WIPF2: variants seen among roughly 807,000 people sequenced by gnomAD.
WIPF2 encodes the protein WAS/WASL interacting protein family member 2.
In WIPF2, 23 loss-of-function variants were observed where a neutral mutation model predicts 38.8. That is an observed-to-expected ratio of 0.59 (90% CI 0.43 to 0.84). WIPF2 has a LOEUF of 0.84. Ranked by LOEUF, WIPF2 falls within the 40% of genes least tolerant of loss-of-function variation. The pLI is 0.00. For missense variants in WIPF2, 574 were observed against 580.5 expected (o/e 0.99, Z 0.11); for synonymous variants, 210 against 223.2 (o/e 0.94, Z 0.53).
intron 1 of WIPF2, among the ~76,000 whole-genome samples, chr17:40,250,219 GTTTTTT>G (rs1170849046): frequency 4.2e-4 from 26 of 62,538 alleles, no homozygotes; most frequent in Non-Finnish European, 5.5e-4. Context: ...ATTTTATCAT[GTTTTTT>G]TTTTTTTTTT....
chr17:40,272,504 G>A (rs1598500081), intron 5 of WIPF2, among the ~76,000 whole-genome samples: 1 of 152,178 alleles, frequency 6.6e-6, no homozygotes, highest in Non-Finnish European at 1.5e-5. Context: ...CAATGAATCT[G>A]CTGTATATAT....
chr17:40,238,328 G>A (rs1370887584), intron 1 of WIPF2, among the ~76,000 whole-genome samples: 4 of 152,032 alleles, frequency 2.6e-5, no homozygotes, highest in Non-Finnish European at 5.9e-5. Context: ...ATTTGAGATG[G>A]AGTCTGGCTC....
At chr17:40,261,917 G>A (rs1458401647) in intron 3 of WIPF2, among the ~76,000 whole-genome samples, 1 of 144,658 alleles carries the variant, frequency 6.9e-6, no homozygotes, top group Non-Finnish European at 1.5e-5. Flanking sequence ...CTCATGATCC[G>A]CCCGCCTCCG....
rs71152662 is a variant in WIPF2 at position 40,283,153 on chromosome 17, TAAAAAAAAAAAAAAAAAAAAAA to T, written c.*4946_*4967del. ...CTGAGCTGAGATCATGCCACTGCACTAAAAAAAAAAAAAAAAAAAAAAAAAAAAAAAAAAAAAAATTCTAGAG... is the reference window on the plus strand; with the variant it reads ...CTGAGCTGAGATCATGCCACTGCACTAAAAAAAAAAAAAAAAATTCTAGAG... On this transcript the variant is annotated 3_prime_UTR_variant, in exon 8 of 8. Transcript: ENST00000323571. 14 of 17,360 alleles carry T rather than the reference TAAAAAAAAAAAAAAAAAAAAAA, an allele frequency of 8.1e-4. No individual in the cohort carries two copies. Among genetic ancestry groups the T allele is most frequent in the Non-Finnish European group, 1.1e-3 (11 of 9,580 alleles). The allele number at this position is 17,360 out of a possible 1,614,324, so 1.1% of individuals were successfully genotyped here.
chr17:40,273,865 A>T lies in WIPF2; in HGVS notation c.1046A>T (p.His349Leu), dbSNP rs758081975. The T allele has an allele frequency of 1.4e-6, 2 of 1,444,368 alleles. No homozygotes were observed. The highest frequency in any genetic ancestry group is 1.9e-6 in the Non-Finnish European group (2 of 1,079,210). The allele number at this position is 1,444,368 out of a possible 1,614,324, so 89.5% of individuals were successfully genotyped here. ...CCTCCCCCACCACCATACCGAATGCATGGGTCAGAACCCCCGAGCCGAGGA... is the reference window on the plus strand; with the variant it reads ...CCTCCCCCACCACCATACCGAATGCTTGGGTCAGAACCCCCGAGCCGAGGA... ...APPPPPPYRM[H>L]GSEPPSRGKP... The change falls in exon 6 of 8, where the codon CAT (histidine) becomes CTT (leucine). Residue 349 changes from histidine to leucine, a missense_variant. Coordinates refer to ENST00000323571, the MANE Select transcript of WIPF2 (RefSeq NM_133264.5).
intron 1 of WIPF2, among the ~76,000 whole-genome samples, chr17:40,243,530 T>G (rs1351723296): frequency 2.0e-5 from 3 of 152,118 alleles, no homozygotes; most frequent in Non-Finnish European, 4.4e-5. Context: ...GTTTTTTTTT[T>G]TAAGACAGAG....
intron 2 of WIPF2, 142 bp from the exon 3 acceptor site, chr17:40,260,393 G>A (rs1490469644): frequency 4.4e-6 from 4 of 911,518 alleles, no homozygotes; most frequent in Non-Finnish European, 6.5e-6. Flanking sequence ...CACCATGTTG[G>A]CCAGGATGGT....
intron 1 of WIPF2, among the ~76,000 whole-genome samples, chr17:40,248,174 T>C (rs1215198810): frequency 4.4e-5 from 6 of 137,692 alleles, no homozygotes; most frequent in East Asian, 4.1e-4. Context: ...TTTTTTTTTT[T>C]TTTTTTTTTT....
At chr17:40,254,126 G>T (rs972988074) in intron 1 of WIPF2, among the ~76,000 whole-genome samples, 1 of 151,672 alleles carries the variant, frequency 6.6e-6, no homozygotes, top group Non-Finnish European at 1.5e-5. Context: ...AAGCAACTCG[G>T]CTGCCTGAGC....
chr17:40,242,731 AAAAC>A (rs1330201114), intron 1 of WIPF2, among the ~76,000 whole-genome samples: 1 of 152,190 alleles, frequency 6.6e-6, no homozygotes, highest in Non-Finnish European at 1.5e-5. Flanking sequence ...CAAAGTCACA[AAAAC>A]AAAGCTACAT....
At position 40,256,375 on chromosome 17, in the gene WIPF2, T is replaced by TCTTTTTCATTTGA; in HGVS notation, c.-69-4_-69-3insACTTTTTCATTTG. On this transcript the variant is annotated splice_polypyrimidine_tract_variant and intron_variant, in intron 1 of 7. Coordinates refer to ENST00000323571, the MANE Select transcript of WIPF2 (RefSeq NM_133264.5). ...ATGGTAAAGCTGTTCTTAATGAGTT[T>TCTTTTTCATTTGA]CTTTTTCATTTGCAGGTATATGAAT... is the stretch of plus-strand genomic sequence containing the variant. The TCTTTTTCATTTGA allele has an allele frequency of 2.6e-6, 4 of 1,553,940 alleles. No homozygotes were observed.
chr17:40,250,768 A>G (rs974718376), intron 1 of WIPF2, among the ~76,000 whole-genome samples: 13 of 152,040 alleles, frequency 8.6e-5, no homozygotes, highest in Admixed American at 6.6e-4. Context: ...GTTTAACCTC[A>G]AGACCATTAG....
chr17:40,273,746 C>T, intron 5 of WIPF2, 44 bp from the exon 6 acceptor site: 1 of 1,242,106 alleles, frequency 8.1e-7, no homozygotes, highest in Non-Finnish European at 1.2e-6. Context: ...CTACCCCTTG[C>T]CGTCTCCACA....
At chr17:40,229,946 A>G (rs1272970929) in intron 1 of WIPF2, among the ~76,000 whole-genome samples, 2 of 152,130 alleles carry the variant, frequency 1.3e-5, no homozygotes, top group African/African-American at 2.4e-5. Context: ...GAATGTTTGT[A>G]TTTTGAGGAA....
chr17:40,268,409 C>CGA (rs1309840776), intron 5 of WIPF2, among the ~76,000 whole-genome samples: 1 of 152,070 alleles, frequency 6.6e-6, no homozygotes, highest in Non-Finnish European at 1.5e-5. Flanking sequence ...ACAAAAGACT[C>CGA]TTTGTCTGAG....
chr17:40,229,459 A>G (rs757123415), intron 1 of WIPF2, among the ~76,000 whole-genome samples: 29 of 141,220 alleles, frequency 2.1e-4, no homozygotes, highest in Middle Eastern at 5.4e-3. Context: ...GTCTAGCTCT[A>G]TTAGCCAGGC....
chr17:40,242,395 A>G (rs1051468018), intron 1 of WIPF2, among the ~76,000 whole-genome samples: 2 of 151,748 alleles, frequency 1.3e-5, no homozygotes, highest in South Asian at 2.1e-4. Flanking sequence ...AAACCAAGAA[A>G]TTTTTTGTTG....
chr17:40,241,366 T>G (rs1457791569), intron 1 of WIPF2, among the ~76,000 whole-genome samples: 2 of 152,232 alleles, frequency 1.3e-5, no homozygotes, highest in Non-Finnish European at 2.9e-5. Flanking sequence ...CCATCTTACA[T>G]CTCCATGGCA....
chr17:40,247,511 G>A (rs538423664), intron 1 of WIPF2, among the ~76,000 whole-genome samples: 18 of 149,278 alleles, frequency 1.2e-4, no homozygotes, highest in African/African-American at 3.0e-4. Context: ...GAGCCAACGC[G>A]CCTGGCCTTT....
Sources: gnomAD v4.1 joint callset for allele counts (sites outside exome capture counted in the v4.1 genomes callset) on GRCh38, gnomAD v4.1.1 for gene constraint, MANE v1.5 for transcripts, NCBI Gene and HGNC (gene_info 2026-07-23, HGNC 2026-07-21) for gene names.